Variants in PCDHGA2 observed in about 807,000 individuals in gnomAD.
PCDHGA2 encodes protocadherin gamma subfamily A, 2.
Under a neutral mutation model 59.2 loss-of-function variants are expected in PCDHGA2, and 40 were observed. The observed-to-expected ratio is 0.68, with a 90% CI of 0.52 to 0.88. The LOEUF (loss-of-function observed/expected upper bound fraction) is 0.88. Among genes scored for constraint, PCDHGA2 ranks in the 40% least tolerant of loss-of-function variants. The probability of loss-of-function intolerance (pLI) is 0.00; values close to 1 mark genes in which losing one functional copy is unlikely to be tolerated. For synonymous variants in PCDHGA2, 560 were observed against 526.0 expected, an observed-to-expected ratio of 1.06 and a Z score of -0.89; for missense variants, 1,226 against 1,204.0, an observed-to-expected ratio of 1.02 and a Z score of -0.27.
intron 1 of PCDHGA2, chr5:141,423,473 C>A: frequency 6.2e-7 from 1 of 1,614,010 alleles, no homozygotes; most frequent in Non-Finnish European, 8.5e-7. Flanking sequence ...GGGGTACAGG[C>A]TTTCCTGCAA....
At chr5:141,415,881 T>C (rs1589997447) in intron 1 of PCDHGA2, 1 of 1,003,346 alleles carries the variant, frequency 1.0e-6, no homozygotes, top group Non-Finnish European at 1.3e-6. Context: ...GAGTACAATA[T>C]TGACAATTCC....
chr5:141,385,097 C>T (rs1296944219), intron 1 of PCDHGA2: 3 of 1,614,192 alleles, frequency 1.9e-6, no homozygotes, highest in East Asian at 2.2e-5. Context: ...GGTGGCTTGG[C>T]GAACGTGCCC....
At chr5:141,500,615 A>G (rs1341597957) in intron 2 of PCDHGA2, among the ~76,000 whole-genome samples, 1 of 152,232 alleles carries the variant, frequency 6.6e-6, no homozygotes, top group East Asian at 1.9e-4. Flanking sequence ...ATTCCCAGTC[A>G]TACGGTACAT....
At chr5:141,451,712 C>G (rs769620335) in intron 1 of PCDHGA2, among the ~76,000 whole-genome samples, 2 of 151,994 alleles carry the variant, frequency 1.3e-5, no homozygotes, top group African/African-American at 4.8e-5. Context: ...CAAAACCCTG[C>G]CTCTACTAAA....
chr5:141,361,643 C>T, intron 1 of PCDHGA2: 1 of 1,613,858 alleles, frequency 6.2e-7, no homozygotes, highest in Non-Finnish European at 8.5e-7. Context: ...GAGATTTTAT[C>T]CTACGTGTCC....
intron 1 of PCDHGA2, chr5:141,422,941 G>C (rs777535652): frequency 1.2e-6 from 2 of 1,614,218 alleles, no homozygotes; most frequent in Non-Finnish European, 1.7e-6. Context: ...CCCCACAGAC[G>C]GCTCCACTGG....
In PCDHGA2 at chr5:141,351,586, C is replaced by A. The variant is rs377147713; in HGVS notation, c.2424+10191C>A. On this transcript the variant is annotated intron_variant, in intron 1 of 3. Transcript: ENST00000394576. ...TCACCCTGCACATCTCCGACATCAA[C>A]GACAATGCACCTGTTTTCCATCAGG... The A allele has an allele frequency of 6.8e-6, 11 of 1,614,054 alleles. No homozygotes were observed. In the South Asian group the frequency reaches 1.1e-4, roughly 16 times the overall value.
At chr5:141,379,976 T>C (rs1459223613) in intron 1 of PCDHGA2, among the ~76,000 whole-genome samples, 1 of 140,200 alleles carries the variant, frequency 7.1e-6, no homozygotes, top group Admixed American at 8.2e-5. Flanking sequence ...CTCTGCTCAC[T>C]GCAACTTCCT....
At chr5:141,366,743 C>T (rs561614642) in intron 1 of PCDHGA2, 3 of 1,611,598 alleles carry the variant, frequency 1.9e-6, no homozygotes, top group East Asian at 2.2e-5. Context: ...AGAAGAACGG[C>T]GAGTTCAGGT....
chr5:141,455,632 TG>T (rs1394377963), intron 1 of PCDHGA2, among the ~76,000 whole-genome samples: 1 of 151,924 alleles, frequency 6.6e-6, no homozygotes, highest in African/African-American at 2.4e-5. Flanking sequence ...TGGAGATATG[TG>T]GGGGGCAGCC....
chr5:141,439,652 T>G (rs1047430832), intron 1 of PCDHGA2, among the ~76,000 whole-genome samples: 1 of 152,208 alleles, frequency 6.6e-6, no homozygotes, highest in African/African-American at 2.4e-5. Context: ...GTGGCTTTTC[T>G]AATTTCATGG....
chr5:141,424,504 G>A (rs1357608806), intron 1 of PCDHGA2: 2 of 152,134 alleles, frequency 1.3e-5, no homozygotes, highest in East Asian at 1.9e-4. Flanking sequence ...TGTATGGAAG[G>A]TTTTTTAATG....
At chr5:141,399,217 T>G in intron 1 of PCDHGA2, 2 of 1,613,972 alleles carry the variant, frequency 1.2e-6, no homozygotes, top group Non-Finnish European at 1.7e-6. Flanking sequence ...ACTAATTGCT[T>G]TGATCAAAAT....
In PCDHGA2 at chr5:141,418,448, C is replaced by T. The variant is rs1240295197; in HGVS notation, c.2425-76359C>T. On this transcript the variant is annotated intron_variant, in intron 1 of 3. Transcript: ENST00000394576. ...TGGCAAATATCCAGAATTAGTATTG[C>T]AGAAGACTCTGGACCGAGAAACGCA... 1.9e-6 allele frequency: 3 copies of T among 1,613,850 alleles called. No homozygotes were observed. The African/African-American group carries it at 4.0e-5, about 22-fold the overall frequency.
In PCDHGA2 at chr5:141,431,265, G is replaced by T; in HGVS notation, c.2425-63542G>T. On this transcript the variant is annotated intron_variant, in intron 1 of 3. Transcript: ENST00000394576. The surrounding 1 kb of genome is among the most constrained non-coding windows in gnomAD (Gnocchi z 4.8). ...GATATCGGGAAGAACTCTCTGCAGAGCTACGAGCTCAGCCCGAACACTCAC... is the reference window on the plus strand; with the variant it reads ...GATATCGGGAAGAACTCTCTGCAGATCTACGAGCTCAGCCCGAACACTCAC... 1 of 1,614,168 alleles carries T rather than the reference G, an allele frequency of 6.2e-7. No homozygotes were observed. The highest frequency in any genetic ancestry group is 8.5e-7 in the Non-Finnish European group (1 of 1,180,054).
At chr5:141,418,746 A>G in intron 1 of PCDHGA2, 1 of 1,613,974 alleles carries the variant, frequency 6.2e-7, no homozygotes, top group Non-Finnish European at 8.5e-7. Context: ...TCTCTGGATT[A>G]CACTACAGGA....
At chr5:141,412,282 C>A (rs1017660848) in intron 1 of PCDHGA2, 1 of 152,186 alleles carries the variant, frequency 6.6e-6, no homozygotes, top group African/African-American at 2.4e-5. Flanking sequence ...ACTTCAAATT[C>A]TACGTATTTC....
intron 1 of PCDHGA2, chr5:141,343,740 ATG>A (rs1199252881): frequency 1.4e-5 from 4 of 286,952 alleles, no homozygotes; most frequent in Admixed American, 9.6e-5. Flanking sequence ...AAAAATAATA[ATG>A]TGTCTGAGAG....
At chr5:141,472,176 G>C (rs1416695177) in intron 1 of PCDHGA2, among the ~76,000 whole-genome samples, 3 of 152,144 alleles carry the variant, frequency 2.0e-5, no homozygotes, top group Non-Finnish European at 2.9e-5. Context: ...GTAATATCCA[G>C]TATTGGAATT....
Sources: gnomAD v4.1 joint callset for allele counts (sites outside exome capture counted in the v4.1 genomes callset) on GRCh38, gnomAD v4.1.1 for gene constraint, Gnocchi (gnomAD v3.1) non-coding constraint, MANE v1.5 for transcripts, NCBI Gene and HGNC (gene_info 2026-07-23, HGNC 2026-07-21) for gene names.